The following ATP1B3 variants were observed in gnomAD, a reference collection of about 807,000 sequenced individuals.
ATP1B3 encodes the protein ATPase Na+/K+ transporting subunit beta 3, also known as sodium/potassium-transporting ATPase subunit beta-3.
Under a neutral mutation model 30.2 loss-of-function variants are expected in ATP1B3, and 10 were observed. The observed-to-expected ratio is 0.33, with a 90% CI of 0.20 to 0.56. ATP1B3 has a LOEUF of 0.56. Among genes scored for constraint, ATP1B3 ranks in the 20% least tolerant of loss-of-function variants. ATP1B3 has a pLI of 0.90. For missense variants in ATP1B3, 238 were observed against 336.7 expected, an observed-to-expected ratio of 0.71 and a Z score of 2.29; for synonymous variants, 113 against 117.0, an observed-to-expected ratio of 0.97 and a Z score of 0.22.
intron 1 of ATP1B3, among the ~76,000 whole-genome samples, chr3:141,894,538 C>T (rs1264272171): frequency 6.6e-6 from 1 of 152,108 alleles, no homozygotes; most frequent in Non-Finnish European, 1.5e-5. Flanking sequence ...TCTTTATATC[C>T]TTATTCTATA....
intron 5 of ATP1B3, among the ~76,000 whole-genome samples, chr3:141,916,783 A>T (rs557440814): frequency 6.6e-6 from 1 of 152,282 alleles, no homozygotes; most frequent in South Asian, 2.1e-4. Context: ...TTGATCACTC[A>T]TCAGAGTCAT....
chr3:141,897,565 G>T (rs1934090901), intron 1 of ATP1B3, among the ~76,000 whole-genome samples: 1 of 152,096 alleles, frequency 6.6e-6, no homozygotes, highest in Non-Finnish European at 1.5e-5. Context: ...TTACTGGTAG[G>T]TTAATCTTAG....
intron 1 of ATP1B3, among the ~76,000 whole-genome samples, chr3:141,895,034 T>A (rs1934033921): frequency 6.6e-6 from 1 of 152,068 alleles, no homozygotes; most frequent in Non-Finnish European, 1.5e-5. Context: ...ATGATCTTAA[T>A]GGGACTATTG....
At chr3:141,922,173 C>G (rs3765155) in intron 6 of ATP1B3, 110 bp downstream of exon 6, 246,201 of 618,640 alleles carry the variant, frequency 0.4, 50,862 homozygotes, top group East Asian at 0.61. Flanking sequence ...TTAATTTGTG[C>G]GTCATCTATT....
At chr3:141,920,123 C>A (rs1324812328) in intron 5 of ATP1B3, among the ~76,000 whole-genome samples, 3 of 152,134 alleles carry the variant, frequency 2.0e-5, no homozygotes, top group African/African-American at 7.2e-5. Context: ...TAGGCACACA[C>A]AGAGAGCAGT....
At chr3:141,909,062 T>C (rs2107775040) in intron 3 of ATP1B3, among the ~76,000 whole-genome samples, 1 of 152,330 alleles carries the variant, frequency 6.6e-6, no homozygotes, top group East Asian at 1.9e-4. Flanking sequence ...GGATCCTTCC[T>C]GTCAACTTGA....
chr3:141,880,369 G>A (rs1376234984), intron 1 of ATP1B3, among the ~76,000 whole-genome samples: 1 of 152,176 alleles, frequency 6.6e-6, no homozygotes, highest in Admixed American at 6.5e-5. Context: ...AACTAGTTGG[G>A]TGATCCAAGT....
intron 5 of ATP1B3, among the ~76,000 whole-genome samples, chr3:141,919,920 CA>C (rs1470463201): frequency 6.6e-6 from 1 of 152,008 alleles, no homozygotes; most frequent in African/African-American, 2.4e-5. Flanking sequence ...TCCTAGGCAA[CA>C]GAGCAACTCT....
intron 5 of ATP1B3, among the ~76,000 whole-genome samples, chr3:141,917,853 C>T (rs548348715): frequency 8.3e-4 from 126 of 151,642 alleles, no homozygotes; most frequent in African/African-American, 2.8e-3. Context: ...CTGCAAGCTC[C>T]GCCTCCTGGG....
At chr3:141,877,044 G>T in intron 1 of ATP1B3, 134 bp downstream of exon 1, 1 of 556,246 alleles carries the variant, frequency 1.8e-6, no homozygotes. Context: ...AACCCGGGCG[G>T]CGGCGGCGCA....
chr3:141,913,501 G>C (rs2107776761), intron 3 of ATP1B3, 151 bp from the exon 4 acceptor site: 1 of 615,548 alleles, frequency 1.6e-6, no homozygotes, highest in African/African-American at 1.9e-5. Context: ...AAAGGTAAAG[G>C]GGCAAACTTA....
intron 2 of ATP1B3, among the ~76,000 whole-genome samples, chr3:141,904,676 C>T (rs527963564): frequency 9.4e-5 from 14 of 148,358 alleles, no homozygotes; most frequent in East Asian, 7.9e-4. Flanking sequence ...CATTTTCTAC[C>T]TCCTGATTTT....
At chr3:141,901,995 C>T (rs985495791) in intron 1 of ATP1B3, 13 of 502,564 alleles carry the variant, frequency 2.6e-5, no homozygotes, top group East Asian at 1.4e-4. Flanking sequence ...TTTATCCCTT[C>T]GTTCCTGCAG....
In ATP1B3 at chr3:141,879,779, A is replaced by AAAAAAAAAAAAC. The variant is rs111928466; in HGVS notation, c.109+2879_109+2880insACAAAAAAAAAA. ...GGGCGACAAAGCAAGTCTCCATCTC[A>AAAAAAAAAAAAC]AAAAAAAAAACCTTACAGTTTTTGG... On this transcript the variant is annotated intron_variant, in intron 1 of 6. Coordinates refer to ENST00000286371, the MANE Select transcript of ATP1B3 (RefSeq NM_001679.4). Among the ~76,000 whole-genome samples, 9 of 126,078 alleles carry AAAAAAAAAAAAC rather than the reference A, an allele frequency of 7.1e-5. No homozygotes were observed. The East Asian group carries it at 1.4e-3, about 19-fold the overall frequency. The allele number at this position is 126,078 out of a possible 152,430, so 82.7% of individuals were successfully genotyped here. A position where few individuals can be genotyped will look rare whatever the true frequency, so the allele number is the denominator to read the frequency against.
chr3:141,912,309 G>A (rs1529580), intron 3 of ATP1B3, among the ~76,000 whole-genome samples: 1 of 152,040 alleles, frequency 6.6e-6, no homozygotes, highest in Non-Finnish European at 1.5e-5. Context: ...GAGCCTCACT[G>A]TGTCGCCCAG....
At chr3:141,894,326 A>AT (rs34959486) in intron 1 of ATP1B3, among the ~76,000 whole-genome samples, 146 of 148,932 alleles carry the variant, frequency 9.8e-4, no homozygotes, top group African/African-American at 3.2e-3. Context: ...ACTTTTTACA[A>AT]TTTTTTTTTT....
chr3:141,880,602 A>AT (rs1033570052), intron 1 of ATP1B3, among the ~76,000 whole-genome samples: 1 of 152,112 alleles, frequency 6.6e-6, no homozygotes, highest in Admixed American at 6.5e-5. Flanking sequence ...TGCCATTAAC[A>AT]TTTTTTTAAT....
rs567044754 is a variant in ATP1B3, at chr3:141,900,948, A to G, written c.110-2672A>G. Among the ~76,000 whole-genome samples the G allele has an allele frequency of 6.6e-5, 10 of 151,916 alleles. No individual in the cohort carries two copies. The South Asian group carries it at 1.3e-3, about 19-fold the overall frequency. On this transcript the variant is annotated intron_variant, in intron 1 of 6. Transcript: ENST00000286371. ...CAGGAGTGCACCACCACGCCTGGCTATTTTTTGCATTTTTAGTAGAGACAG... is the reference window on the plus strand; with the variant it reads ...CAGGAGTGCACCACCACGCCTGGCTGTTTTTTGCATTTTTAGTAGAGACAG...
intron 1 of ATP1B3, among the ~76,000 whole-genome samples, chr3:141,885,754 T>C (rs1459868912): frequency 6.6e-6 from 1 of 152,154 alleles, no homozygotes; most frequent in African/African-American, 2.4e-5. Context: ...GACCAGCGCA[T>C]GCCTTTTCTT....
Sources: allele counts gnomAD v4.1 joint callset (sites outside exome capture counted in the v4.1 genomes callset), GRCh38; gene constraint gnomAD v4.1.1; transcripts MANE v1.5; gene names NCBI Gene and HGNC (gene_info 2026-07-23, HGNC 2026-07-21).